Variants in LTBP1 observed in about 807,000 individuals in gnomAD.
LTBP1 encodes latent transforming growth factor beta binding protein 1.
Under a neutral mutation model 207.6 loss-of-function variants are expected in LTBP1, and 129 were observed. That is an observed-to-expected ratio of 0.62 (90% CI 0.54 to 0.72). LTBP1 has a LOEUF of 0.72. LTBP1 is among the 30% of genes least tolerant of loss of function. LTBP1 has a pLI of 0.00. For missense variants in LTBP1, 2,281 were observed against 2,217.2 expected (o/e 1.03, Z -0.58); for synonymous variants, 963 against 833.7 (o/e 1.16, Z -2.67).
chr2:33,233,296 C>A (rs2091888502), intron 9 of LTBP1, among the ~76,000 whole-genome samples: 1 of 152,038 alleles, frequency 6.6e-6, no homozygotes, highest in Non-Finnish European at 1.5e-5. Context: ...CTTTACTATG[C>A]CCATCTAGGC....
intron 20 of LTBP1, among the ~76,000 whole-genome samples, chr2:33,299,214 C>T (rs1206127492): frequency 6.7e-6 from 1 of 148,438 alleles, no homozygotes; most frequent in Admixed American, 6.8e-5. Context: ...TGCACTCCAG[C>T]TTGGCGACAG....
Position 33,166,080 on chromosome 2 carries a change from T to C in LTBP1, c.1202-20776T>C, listed in dbSNP as rs540671281. 9.6e-4 allele frequency among the ~76,000 whole-genome samples: 146 copies of C among 152,098 alleles called. 2 individuals are homozygous for C. The East Asian group carries it at 0.021, about 22-fold the overall frequency. On this transcript the variant is annotated intron_variant, in intron 5 of 33. Coordinates refer to ENST00000404816, the MANE Select transcript of LTBP1 (RefSeq NM_206943.4). The stretch of plus-strand genomic sequence containing the variant: ...TGAGTAATGTATGTTTTTTTTTTTT[T>C]TTCTTGTTTGGATCAGATCTGCTAT...
intron 22 of LTBP1, among the ~76,000 whole-genome samples, chr2:33,302,540 C>T (rs557775293): frequency 6.6e-6 from 1 of 152,290 alleles, no homozygotes; most frequent in South Asian, 2.1e-4. Context: ...ACAGCATCTA[C>T]ATTTCTGACC....
chr2:33,364,302 C>T lies in LTBP1; in HGVS notation c.4486C>T (p.Pro1496Ser), dbSNP rs764428993. The stretch of plus-strand genomic sequence containing the variant: ...CTCTTACAACTGCTTCTGTACTCAC[C>T]CCATGGTCCTGGATGCGTCAGAAAA... ...EGSYNCFCTH[P>S]MVLDASEKRC... Residue 1496 changes from proline (P) to serine (S), a missense_variant, in exon 30 of 34, where the codon CCC (proline) becomes TCC (serine). Coordinates refer to ENST00000404816, the MANE Select transcript of LTBP1 (RefSeq NM_206943.4). 3.1e-6 allele frequency: 5 copies of T among 1,613,932 alleles called. No homozygotes were observed. The highest frequency in any genetic ancestry group is 4.2e-6 in the Non-Finnish European group (5 of 1,179,926).
chr2:33,292,207 A>T (rs2093788099), intron 19 of LTBP1, among the ~76,000 whole-genome samples: 5 of 152,170 alleles, frequency 3.3e-5, no homozygotes. Context: ...TGTAGTAGGG[A>T]CTTAATATTT....
At chr2:32,994,824 A>T (rs1421531661) in intron 2 of LTBP1, among the ~76,000 whole-genome samples, 1 of 152,170 alleles carries the variant, frequency 6.6e-6, no homozygotes, top group Non-Finnish European at 1.5e-5. Flanking sequence ...ATTAAGAAAA[A>T]TTCCAGTTCT....
intron 19 of LTBP1, among the ~76,000 whole-genome samples, chr2:33,288,854 C>CAA (rs200975631): frequency 2.7e-5 from 2 of 73,034 alleles, no homozygotes; most frequent in Non-Finnish European, 5.5e-5. Flanking sequence ...GACTCTGTCT[C>CAA]AAAAAAAAAA....
At position 33,131,883 on chromosome 2, in the gene LTBP1, A is replaced by G. The variant is rs571525705; in HGVS notation, c.1034-2910A>G. Among the ~76,000 whole-genome samples the G allele has an allele frequency of 1.1e-4, 17 of 152,338 alleles. 1 individual carries two copies. In the South Asian group the frequency reaches 1.4e-3, roughly 13 times the overall value. ...GAAATATAAGAAGTTTTTAATAACAATAGGCCCGGAGAATCTCCAGTGCTT... is the reference window on the plus strand; with the variant it reads ...GAAATATAAGAAGTTTTTAATAACAGTAGGCCCGGAGAATCTCCAGTGCTT... On this transcript the variant is annotated intron_variant, in intron 4 of 33. Transcript: ENST00000404816.
chr2:33,072,438 A>C (rs769001196), intron 3 of LTBP1, among the ~76,000 whole-genome samples: 10 of 152,212 alleles, frequency 6.6e-5, no homozygotes, highest in Non-Finnish European at 1.5e-4. Context: ...TCTGTGCAGC[A>C]TTCCTTCCTC....
intron 2 of LTBP1, among the ~76,000 whole-genome samples, chr2:32,987,765 A>G (rs1458484231): frequency 6.6e-6 from 1 of 152,204 alleles, no homozygotes; most frequent in South Asian, 2.1e-4. Flanking sequence ...TCCATGCATT[A>G]CATACTCCTC....
intron 23 of LTBP1, among the ~76,000 whole-genome samples, chr2:33,311,551 G>T (rs1476354493): frequency 8.0e-6 from 1 of 124,816 alleles, no homozygotes; most frequent in Non-Finnish European, 1.7e-5. Context: ...AAAAAAAAAA[G>T]GAAACCAAAC....
At chr2:33,172,605 A>C (rs975768874) in intron 5 of LTBP1, among the ~76,000 whole-genome samples, 1 of 152,166 alleles carries the variant, frequency 6.6e-6, no homozygotes, top group African/African-American at 2.4e-5. Context: ...CGAGACAGAA[A>C]GTTAACAAGG....
chr2:33,374,459 C>T (rs1037260736), intron 31 of LTBP1, among the ~76,000 whole-genome samples: 51 of 152,204 alleles, frequency 3.4e-4, no homozygotes, highest in African/African-American at 1.2e-3. Context: ...AAACAATAAC[C>T]GCTAGTCACT....
chr2:33,326,739 G>A (rs1376817323), intron 24 of LTBP1, among the ~76,000 whole-genome samples: 4 of 151,550 alleles, frequency 2.6e-5, no homozygotes, highest in Admixed American at 6.6e-5. Flanking sequence ...GGTCATTGCC[G>A]CCTCCGCCTC....
intron 5 of LTBP1, among the ~76,000 whole-genome samples, chr2:33,182,729 CACACACAG>C (rs2086790782): frequency 1.0e-5 from 1 of 97,728 alleles, no homozygotes; most frequent in Non-Finnish European, 2.2e-5. Flanking sequence ...CACACACACA[CACACACAG>C]ACATATATAT....
At chr2:33,137,833 A>G (rs1200521552) in intron 5 of LTBP1, among the ~76,000 whole-genome samples, 1 of 152,212 alleles carries the variant, frequency 6.6e-6, no homozygotes, top group South Asian at 2.1e-4. Context: ...TCAGTTAGCT[A>G]TGCCTAGAAC....
intron 20 of LTBP1, among the ~76,000 whole-genome samples, chr2:33,293,993 G>GTTT (rs1333586466): frequency 3.6e-4 from 30 of 83,078 alleles, no homozygotes; most frequent in Admixed American, 1.0e-3. Context: ...ACTGGTACAG[G>GTTT]TCTTTTTTTT....
rs2092585257 is a variant in LTBP1 at position 33,248,697 on chromosome 2, C to T, written c.2000-3980C>T. The stretch of plus-strand genomic sequence containing the variant: ...CGCCTCCTGGGTTCAAGTGATTCTT[C>T]TGCCTCAGCCTCCTGAGTAGCTGGG... On this transcript the variant is annotated intron_variant, in intron 10 of 33. Transcript: ENST00000404816. Among the ~76,000 whole-genome samples the T allele has an allele frequency of 2.6e-5, 4 of 151,100 alleles. No individual in the cohort carries two copies. The Admixed American group carries it at 2.7e-4, about 10-fold the overall frequency.
intron 31 of LTBP1, among the ~76,000 whole-genome samples, chr2:33,372,908 G>C (rs1004156988): frequency 2.0e-5 from 3 of 152,106 alleles, no homozygotes; most frequent in Non-Finnish European, 4.4e-5. Context: ...ATGTACGTAA[G>C]AATCACAAGA....
Sources: gnomAD v4.1 joint callset for allele counts (sites outside exome capture counted in the v4.1 genomes callset) on GRCh38, gnomAD v4.1.1 for gene constraint, MANE v1.5 for transcripts, NCBI Gene and HGNC (gene_info 2026-07-23, HGNC 2026-07-21) for gene names.